Variants in IPO5 observed in about 807,000 individuals in gnomAD.
IPO5 encodes the protein importin-5.
Under a neutral mutation model 143.3 loss-of-function variants are expected in IPO5, and 18 were observed. The ratio of observed to expected loss-of-function variants is 0.13; its 90% confidence interval spans 0.09 to 0.19. IPO5 has a LOEUF of 0.19. Ranked by LOEUF, IPO5 falls within the 10% of genes least tolerant of loss-of-function variation. IPO5 has a pLI of 1.00. For synonymous variants in IPO5, 477 were observed against 465.7 expected, an observed-to-expected ratio of 1.02 and a Z score of -0.31; for missense variants, 1,013 against 1,336.9, an observed-to-expected ratio of 0.76 and a Z score of 3.78.
intron 28 of IPO5, chr13:98,021,494 G>A: frequency 2.6e-6 from 1 of 381,518 alleles, no homozygotes. Context: ...TGGTATATGG[G>A]TTACTTTAAG....
At chr13:97,982,318 T>A (rs11620106) in intron 4 of IPO5, among the ~76,000 whole-genome samples, 185 bp from the exon 5 acceptor site, 55,153 of 152,126 alleles carry the variant, frequency 0.36, 11,316 homozygotes, top group Non-Finnish European at 0.48. Context: ...AGGAACTTGA[T>A]AAGTAACCCT....
intron 3 of IPO5, among the ~76,000 whole-genome samples, chr13:97,974,606 G>C (rs565551030): frequency 6.6e-6 from 1 of 151,094 alleles, no homozygotes; most frequent in African/African-American, 2.4e-5. Flanking sequence ...CACCTTGCCC[G>C]GCCTGTAATT....
intron 11 of IPO5, among the ~76,000 whole-genome samples, chr13:97,996,003 A>G (rs746817907): frequency 3.3e-5 from 5 of 152,234 alleles, no homozygotes; most frequent in Non-Finnish European, 7.3e-5. Flanking sequence ...AAAATAAGCC[A>G]CAAACTGGAA....
chr13:98,002,269 A>G, intron 13 of IPO5, 198 bp from the exon 14 acceptor site: 1 of 360,488 alleles, frequency 2.8e-6, no homozygotes, highest in Non-Finnish European at 4.8e-6. Context: ...CCCGCCTCAG[A>G]CTCCCAAAGT....
At chr13:98,002,630 T>C (rs1888902519) in intron 14 of IPO5, 39 bp downstream of exon 14, 38 of 1,608,946 alleles carry the variant, frequency 2.4e-5, no homozygotes, top group Non-Finnish European at 3.2e-5. Flanking sequence ...ATGATTAGTG[T>C]AGCTTCATGT....
Position 98,021,055 on chromosome 13 carries a change from G to A in IPO5, c.3129G>A (p.Ala1043=), listed in dbSNP as rs749492889. The change falls in exon 28 of 29, where the codon GCG becomes GCA. Residue 1043 remains alanine (A), a synonymous_variant. Transcript: ENST00000651721. ...TNLPKIFSII[A]EGEMHEAIKH... is the part of the protein sequence containing the mutation. Reference sequence around the variant, plus strand: ...TGCCCAAAATATTTAGTATAATTGCGGAAGGAGAAATGCACGAGGCAATTA... The same window carrying A: ...TGCCCAAAATATTTAGTATAATTGCAGAAGGAGAAATGCACGAGGCAATTA... 33 of 1,611,550 alleles carry A rather than the reference G, an allele frequency of 2.0e-5. No individual in the cohort carries two copies. Among genetic ancestry groups the A allele is most frequent in the Middle Eastern group, 1.6e-4 (1 of 6,078 alleles).
intron 26 of IPO5, among the ~76,000 whole-genome samples, chr13:98,019,152 C>G (rs1213279326): frequency 6.6e-6 from 1 of 151,948 alleles, no homozygotes; most frequent in Admixed American, 6.6e-5. Flanking sequence ...TGGGGTTTCA[C>G]CATGTTAGCC....
At chr13:97,993,056 A>G (rs777078197) in intron 10 of IPO5, 42 bp downstream of exon 10, 17 of 1,611,332 alleles carry the variant, frequency 1.1e-5, no homozygotes, top group Non-Finnish European at 1.4e-5. Context: ...TGTTATTTTC[A>G]GGGACTAATC....
chr13:97,994,589 A>G (rs1207291681), intron 11 of IPO5, among the ~76,000 whole-genome samples: 7 of 152,260 alleles, frequency 4.6e-5, no homozygotes, highest in African/African-American at 1.7e-4. Context: ...ACAAATTATC[A>G]GTTCTCAAAT....
intron 16 of IPO5, among the ~76,000 whole-genome samples, chr13:98,004,612 G>A (rs1158154921): frequency 1.3e-5 from 2 of 152,160 alleles, no homozygotes; most frequent in Non-Finnish European, 2.9e-5. Flanking sequence ...ATGGTAGGAG[G>A]ACAGTGTTCA....
intron 2 of IPO5, among the ~76,000 whole-genome samples, chr13:97,965,038 C>T (rs1480343280): frequency 6.6e-6 from 1 of 152,092 alleles, no homozygotes; most frequent in Non-Finnish European, 1.5e-5. Context: ...ATGTCCTTTG[C>T]AGGGACATGG....
chr13:98,017,243 T>C (rs971304379), intron 25 of IPO5, among the ~76,000 whole-genome samples: 2 of 150,308 alleles, frequency 1.3e-5, no homozygotes, highest in African/African-American at 4.9e-5. Flanking sequence ...ATAATGGGCA[T>C]ATATATATAT....
chr13:98,014,723 A>G (rs1292180872), intron 22 of IPO5, among the ~76,000 whole-genome samples: 2 of 152,158 alleles, frequency 1.3e-5, no homozygotes, highest in African/African-American at 4.8e-5. Context: ...ATTCTTTGGA[A>G]AAAGAGAAGA....
chr13:98,009,751 A>G (rs1566554038), intron 18 of IPO5, 130 bp from the exon 19 acceptor site: 1 of 703,568 alleles, frequency 1.4e-6, no homozygotes, highest in Non-Finnish European at 2.3e-6. Context: ...ACCTTTAGAA[A>G]TGCTCTTACT....
chr13:97,982,475 T>A (rs754254465), intron 4 of IPO5, 28 bp from the exon 5 acceptor site: 1 of 1,489,990 alleles, frequency 6.7e-7, no homozygotes, highest in Non-Finnish European at 9.3e-7. Flanking sequence ...TAACATTCTT[T>A]CCTAACCATT....
intron 2 of IPO5, among the ~76,000 whole-genome samples, chr13:97,960,779 G>A (rs886730277): frequency 2.0e-5 from 3 of 152,036 alleles, no homozygotes; most frequent in African/African-American, 4.8e-5. Context: ...AGCTGGTCTC[G>A]AACTCCTGAC....
intron 2 of IPO5, among the ~76,000 whole-genome samples, chr13:97,964,671 G>C (rs1203018365): frequency 6.6e-6 from 1 of 151,588 alleles, no homozygotes; most frequent in South Asian, 2.1e-4. Flanking sequence ...GGATGGTCTC[G>C]ATCTCCTGAC....
At chr13:97,985,794 A>G (rs1430079360) in intron 6 of IPO5, among the ~76,000 whole-genome samples, 181 bp downstream of exon 6, 1 of 152,106 alleles carries the variant, frequency 6.6e-6, no homozygotes. Flanking sequence ...ATGTTTGTGA[A>G]ATCCAGTCAT....
intron 13 of IPO5, chr13:98,001,590 GTC>G (rs1423234128): frequency 6.6e-6 from 1 of 152,252 alleles, no homozygotes; most frequent in East Asian, 1.9e-4. Flanking sequence ...CAATTCTCCT[GTC>G]TCTGCCTCCC....
Sources: gnomAD v4.1 joint callset for allele counts (sites outside exome capture counted in the v4.1 genomes callset) on GRCh38, gnomAD v4.1.1 for gene constraint, MANE v1.5 for transcripts, NCBI Gene and HGNC (gene_info 2026-07-23, HGNC 2026-07-21) for gene names.